Variants in PHLPP1 observed in about 807,000 individuals in gnomAD.
The protein encoded by PHLPP1 is PH domain and leucine rich repeat protein phosphatase 1.
In PHLPP1, 42 loss-of-function variants were observed where a neutral mutation model predicts 117.2. That is an observed-to-expected ratio of 0.36 (90% confidence interval 0.28 to 0.46). PHLPP1 has a LOEUF of 0.46. Among genes scored for constraint, PHLPP1 ranks in the 20% least tolerant of loss-of-function variants. PHLPP1 has a pLI of 1.00. For missense variants in PHLPP1, 2,084 were observed against 2,241.9 expected (o/e 0.93, Z 1.42); for synonymous variants, 1,042 against 970.7 (o/e 1.07, Z -1.37).
chr18:62,741,772 A>C (rs1911533184), intron 1 of PHLPP1, among the ~76,000 whole-genome samples: 2 of 151,270 alleles, frequency 1.3e-5, no homozygotes, highest in South Asian at 4.2e-4. Flanking sequence ...CTTGGGTTAC[A>C]GGGTACGTGA....
chr18:62,852,589 C>T (rs539122607), intron 3 of PHLPP1, among the ~76,000 whole-genome samples: 71 of 152,206 alleles, frequency 4.7e-4, no homozygotes, highest in African/African-American at 1.7e-3. Flanking sequence ...ATGATCCGCC[C>T]GCCTCGGCCT....
At chr18:62,808,631 C>T (rs1238802612) in intron 1 of PHLPP1, among the ~76,000 whole-genome samples, 1 of 151,448 alleles carries the variant, frequency 6.6e-6, no homozygotes, top group Non-Finnish European at 1.5e-5. Flanking sequence ...TGGCTCACTG[C>T]ACCTCCGCCT....
chr18:62,948,424 G>A (rs1475043557), intron 12 of PHLPP1, among the ~76,000 whole-genome samples: 3 of 152,156 alleles, frequency 2.0e-5, no homozygotes, highest in Non-Finnish European at 4.4e-5. Flanking sequence ...CTCTTGCTTG[G>A]ATTCCTGGAT....
intron 4 of PHLPP1, among the ~76,000 whole-genome samples, chr18:62,884,299 A>G (rs528629428): frequency 1.0e-3 from 154 of 152,372 alleles, no homozygotes; most frequent in South Asian, 5.0e-3. Context: ...GATATAAACC[A>G]AACTATTGAC....
rs1234298179 is a variant in PHLPP1 at position 62,914,795 on chromosome 18, A to T, written c.2709-118A>T. The T allele has an allele frequency of 1.5e-5, 10 of 669,186 alleles. No individual in the cohort carries two copies. In the East Asian group the frequency reaches 2.8e-4, roughly 18 times the overall value. The allele number at this position is 669,186 out of a possible 1,614,324, so 41.5% of individuals were successfully genotyped here. A position where few individuals can be genotyped will look rare whatever the true frequency, so the allele number is the denominator to read the frequency against. ...GCGAATCCACACATTCTTTCGATTT[A>T]TGCCCTTGGTACTTTGGTATTTTAT... On this transcript the variant is annotated intron_variant, in intron 8 of 16. Transcript: ENST00000262719.
intron 6 of PHLPP1, among the ~76,000 whole-genome samples, chr18:62,900,552 A>G (rs1165935716): frequency 1.3e-5 from 2 of 149,544 alleles, no homozygotes; most frequent in South Asian, 4.2e-4. Flanking sequence ...TGCAGCCTCA[A>G]ACTCCTGGGT....
intron 4 of PHLPP1, among the ~76,000 whole-genome samples, chr18:62,892,111 G>A (rs1306166856): frequency 1.1e-5 from 1 of 89,438 alleles, no homozygotes; most frequent in Non-Finnish European, 2.1e-5. Flanking sequence ...TTTTTTTTAC[G>A]GAGTTTTGCT....
chr18:62,875,089 G>A (rs1916014982), intron 4 of PHLPP1, among the ~76,000 whole-genome samples: 3 of 152,140 alleles, frequency 2.0e-5, no homozygotes, highest in South Asian at 4.2e-4. Flanking sequence ...CGAGTAGCTG[G>A]GACTATAGGT....
intron 11 of PHLPP1, among the ~76,000 whole-genome samples, chr18:62,944,000 T>C (rs570626899): frequency 2.6e-5 from 4 of 152,280 alleles, no homozygotes; most frequent in African/African-American, 9.6e-5. Flanking sequence ...ATCTTAGGCA[T>C]ATATTTATTT....
intron 2 of PHLPP1, chr18:62,837,546 T>G (rs1159707783): frequency 2.0e-5 from 3 of 152,170 alleles, no homozygotes; most frequent in Non-Finnish European, 4.4e-5. Flanking sequence ...GAAGAATCAG[T>G]ATTTTGCTTT....
At chr18:62,915,169 C>G (rs1294982138) in intron 9 of PHLPP1, among the ~76,000 whole-genome samples, 161 bp downstream of exon 9, 1 of 152,214 alleles carries the variant, frequency 6.6e-6, no homozygotes, top group African/African-American at 2.4e-5. Context: ...TACACACTTG[C>G]TTCATGCAGT....
At chr18:62,821,568 A>G (rs890761575) in intron 1 of PHLPP1, among the ~76,000 whole-genome samples, 9 of 149,268 alleles carry the variant, frequency 6.0e-5, no homozygotes, top group Non-Finnish European at 5.9e-5. Context: ...AAAAAAAAAA[A>G]AAAGAAAAGA....
intron 3 of PHLPP1, among the ~76,000 whole-genome samples, chr18:62,849,076 A>C (rs1915255252): frequency 6.6e-6 from 1 of 152,180 alleles, no homozygotes; most frequent in Non-Finnish European, 1.5e-5. Flanking sequence ...TATTTATTGG[A>C]GTATGCTGCT....
At chr18:62,848,991 G>A (rs909035143) in intron 3 of PHLPP1, among the ~76,000 whole-genome samples, 10 of 152,252 alleles carry the variant, frequency 6.6e-5, no homozygotes, top group African/African-American at 2.4e-4. Flanking sequence ...TCTCAATAAA[G>A]TACTTTATAT....
chr18:62,816,522 G>A (rs1210825750), intron 1 of PHLPP1, among the ~76,000 whole-genome samples: 4 of 152,228 alleles, frequency 2.6e-5, no homozygotes, highest in African/African-American at 4.8e-5. Flanking sequence ...AGCTGAGATC[G>A]TGCCATTGCA....
At chr18:62,766,077 ATATATATATATATATATATAT>A (rs1222071079) in intron 1 of PHLPP1, among the ~76,000 whole-genome samples, 4 of 20,974 alleles carry the variant, frequency 1.9e-4, no homozygotes, top group Non-Finnish European at 4.1e-4. Context: ...AAAAAAAAAA[ATATATATATATATATATATAT>A]ATATAAAATA....
At chr18:62,826,052 C>T (rs1352653585) in intron 1 of PHLPP1, among the ~76,000 whole-genome samples, 3 of 152,044 alleles carry the variant, frequency 2.0e-5, no homozygotes, top group Non-Finnish European at 4.4e-5. Context: ...TGGGAATAGG[C>T]TCTTGTTATT....
At chr18:62,794,029 G>A (rs916096315) in intron 1 of PHLPP1, among the ~76,000 whole-genome samples, 1 of 152,176 alleles carries the variant, frequency 6.6e-6, no homozygotes, top group African/African-American at 2.4e-5. Flanking sequence ...TGAAAGACAA[G>A]TTTTGTTAAA....
chr18:62,916,567 A>C (rs188518237), intron 9 of PHLPP1, among the ~76,000 whole-genome samples: 4 of 151,224 alleles, frequency 2.6e-5, no homozygotes, highest in Non-Finnish European at 4.4e-5. Context: ...TGAGCATTCA[A>C]GTGACCCATT....
Sources: allele counts gnomAD v4.1 joint callset (sites outside exome capture counted in the v4.1 genomes callset), GRCh38; gene constraint gnomAD v4.1.1; transcripts MANE v1.5; gene names NCBI Gene and HGNC (gene_info 2026-07-23, HGNC 2026-07-21).